Variants in MAPKBP1 observed in about 807,000 individuals in gnomAD.
The protein encoded by MAPKBP1 is mitogen-activated protein kinase-binding protein 1.
A neutral mutation model predicts 170.5 loss-of-function variants in MAPKBP1; 71 were observed. That is an observed-to-expected ratio of 0.42 (90% CI 0.34 to 0.51). MAPKBP1 has a LOEUF of 0.51. Among genes scored for constraint, MAPKBP1 ranks in the 20% least tolerant of loss-of-function variants. The pLI, the probability that MAPKBP1 is intolerant of heterozygous loss-of-function variation, is 0.06. For missense variants in MAPKBP1, 1,598 were observed against 1,933.0 expected (o/e 0.83, Z 3.25); for synonymous variants, 719 against 757.9 (o/e 0.95, Z 0.84).
At chr15:41,821,180 C>A (rs894863503) in intron 23 of MAPKBP1, 112 bp downstream of exon 23, 2 of 1,021,538 alleles carry the variant, frequency 2.0e-6, no homozygotes, top group African/African-American at 1.6e-5. Flanking sequence ...GCCCCTGTGG[C>A]ACATGGGTAA....
At chr15:41,795,238 A>C (rs1434605297) in intron 2 of MAPKBP1, among the ~76,000 whole-genome samples, 1 of 152,168 alleles carries the variant, frequency 6.6e-6, no homozygotes, top group Non-Finnish European at 1.5e-5. Flanking sequence ...TTATGGCAGT[A>C]AAGCTAGTCT....
chr15:41,790,902 C>G (rs1026635016), intron 2 of MAPKBP1, among the ~76,000 whole-genome samples: 4 of 152,220 alleles, frequency 2.6e-5, no homozygotes, highest in African/African-American at 9.6e-5. Flanking sequence ...GGTCCCTGCC[C>G]TACTGTCTAA....
At chr15:41,775,981 A>G (rs1198014418) in intron 2 of MAPKBP1, among the ~76,000 whole-genome samples, 7 of 152,216 alleles carry the variant, frequency 4.6e-5, no homozygotes, top group African/African-American at 1.7e-4. Context: ...ATGGCCCTTG[A>G]GCATTGCTTA....
At position 41,819,735 on chromosome 15, in the gene MAPKBP1, G is replaced by A. The variant is rs890497; in HGVS notation, c.2481+85G>A. 21,417 of 1,393,362 alleles carry A rather than the reference G, an allele frequency of 0.015. 2,633 individuals are homozygous for A. In the African/African-American group the frequency reaches 0.27, roughly 17 times the overall value. The allele number at this position is 1,393,362 out of a possible 1,614,324, so 86.3% of individuals were successfully genotyped here. On this transcript the variant is annotated intron_variant, in intron 22 of 30. Coordinates refer to ENST00000457542, the MANE Select transcript of MAPKBP1 (RefSeq NM_014994.3). ...AACAGGGCTCTCTGGGCCTGGTAGG[G>A]TACTGGGGCATGGGGTCTGCCCACA...
chr15:41,800,030 TTTG>T, intron 3 of MAPKBP1, 116 bp downstream of exon 3: 1 of 853,146 alleles, frequency 1.2e-6, no homozygotes, highest in Non-Finnish European at 1.9e-6. Context: ...AGGTTAATGT[TTTG>T]TTGTCATTTT....
Position 41,816,603 on chromosome 15 carries a change from C to A in MAPKBP1, c.1538C>A (p.Ala513Asp), listed in dbSNP as rs1031099279. Residue 513 changes from alanine (A) to aspartate (D), a missense_variant, in exon 13 of 31, where the codon GCC (alanine) becomes GAC (aspartate). This residue lies in a region of MAPKBP1 where 430 missense variants were observed against 617.2 expected (regional missense o/e 0.70). Transcript: ENST00000457542. ...QSLSEMLKVE[A>D]HDSEILCLEY... ...CTGAGTGAGATGCTGAAGGTGGAGG[C>A]CCATGACTCTGAGATTCTGTGCCTG... 6.2e-7 allele frequency: 1 copy of A among 1,614,066 alleles called. No individual in the cohort carries two copies. The highest frequency in any genetic ancestry group is 8.5e-7 in the Non-Finnish European group (1 of 1,180,036).
At position 41,824,584 on chromosome 15, in the gene MAPKBP1, C is replaced by T. The variant is rs763697757; in HGVS notation, c.4299+15C>T. On this transcript the variant is annotated intron_variant, in intron 30 of 30. Transcript: ENST00000457542. ...TCTACCACTCGGTGGGTGTTAGGTG[C>T]CCCCCGGCAGGAAGGCGGGCACGTC... 4.4e-6 allele frequency: 7 copies of T among 1,578,158 alleles called. No individual in the cohort carries two copies. The highest frequency in any genetic ancestry group is 4.0e-5 in the African/African-American group (3 of 74,416).
At chr15:41,819,439 G>GT in intron 21 of MAPKBP1, 60 bp downstream of exon 21, 1 of 1,600,392 alleles carries the variant, frequency 6.2e-7, no homozygotes, top group South Asian at 1.1e-5. Context: ...GCTAGATATG[G>GT]TTTTTCTGAG....
At chr15:41,781,399 G>GTT (rs71108134) in intron 2 of MAPKBP1, among the ~76,000 whole-genome samples, 1,405 of 140,252 alleles carry the variant, frequency 0.01, 12 homozygotes, top group African/African-American at 0.03. Flanking sequence ...GGGTTTTTTT[G>GTT]TTTTTTTTTT....
intron 2 of MAPKBP1, among the ~76,000 whole-genome samples, chr15:41,797,894 G>A (rs886201854): frequency 5.3e-5 from 8 of 151,944 alleles, no homozygotes; most frequent in Admixed American, 3.3e-4. Flanking sequence ...TTTGGTCTTC[G>A]GCCACCACAG....
At position 41,817,264 on chromosome 15, in the gene MAPKBP1, AT is replaced by A. The variant is rs1366959054; in HGVS notation, c.1712-121del. On this transcript the variant is annotated intron_variant, in intron 14 of 30. Transcript: ENST00000457542. The surrounding 1 kb of genome is among the most constrained non-coding windows in gnomAD (Gnocchi z 4.2). ...AGGAAAACCTGGGTTTCCAGGTTTAATTTAGTTGGTTTTCCCTGGCATGTAG... is the reference window on the plus strand; with the variant it reads ...AGGAAAACCTGGGTTTCCAGGTTTAATTAGTTGGTTTTCCCTGGCATGTAG... 26 of 1,257,820 alleles carry A rather than the reference AT, an allele frequency of 2.1e-5. No homozygotes were observed. The highest frequency in any genetic ancestry group is 2.8e-5 in the Non-Finnish European group (25 of 877,622). 77.9% of individuals were successfully genotyped at this position (1,257,820 alleles called of 1,614,324 possible).
intron 2 of MAPKBP1, among the ~76,000 whole-genome samples, chr15:41,785,985 G>A (rs554187221): frequency 2.0e-5 from 3 of 152,222 alleles, no homozygotes; most frequent in Non-Finnish European, 4.4e-5. Context: ...AAGTTATCCA[G>A]GTACCTATGA....
intron 3 of MAPKBP1, among the ~76,000 whole-genome samples, chr15:41,805,466 C>G (rs1465800014): frequency 6.6e-6 from 1 of 152,236 alleles, no homozygotes; most frequent in African/African-American, 2.4e-5. Context: ...GGCTCCTATG[C>G]CAGAATGGCC....
chr15:41,797,830 C>G (rs1298446403), intron 2 of MAPKBP1, among the ~76,000 whole-genome samples: 1 of 152,140 alleles, frequency 6.6e-6, no homozygotes, highest in Non-Finnish European at 1.5e-5. Context: ...CACAGATAAC[C>G]TTGGGGACCT....
intron 2 of MAPKBP1, among the ~76,000 whole-genome samples, chr15:41,795,875 C>T (rs921697096): frequency 3.3e-5 from 5 of 152,196 alleles, no homozygotes; most frequent in African/African-American, 1.2e-4. Flanking sequence ...TCCCAAAGTG[C>T]TGGGATTACA....
Position 41,821,652 on chromosome 15 carries a change from A to G in MAPKBP1, c.2787A>G (p.Ser929=). The stretch of plus-strand genomic sequence containing the variant: ...ATCCCCATATTATCCGATTATTGTC[A>G]CAAGAGGAAGGGGTCTTTGCCCAAG... ...CSYPHIIRLL[S]QEEGVFAQDL... Residue 929 remains serine (S), a synonymous_variant, in exon 24 of 31, where the codon TCA becomes TCG. Transcript: ENST00000457542. 1.2e-6 allele frequency: 2 copies of G among 1,614,092 alleles called. No homozygotes were observed. Among genetic ancestry groups the G allele is most frequent in the South Asian group, 2.2e-5 (2 of 91,078 alleles).
chr15:41,774,770 G>C (rs899853308), intron 1 of MAPKBP1, 160 bp downstream of exon 1: 32 of 400,282 alleles, frequency 8.0e-5, no homozygotes, highest in Non-Finnish European at 1.3e-4. Flanking sequence ...GTGGGCTACG[G>C]CGAGCCCCGC....
In MAPKBP1 at chr15:41,825,727, C is replaced by A; in HGVS notation, c.*291C>A. 1 of 347,558 alleles carries A rather than the reference C, an allele frequency of 2.9e-6. No homozygotes were observed. The highest frequency in any genetic ancestry group is 5.6e-5 in the South Asian group (1 of 17,760). The allele number at this position is 347,558 out of a possible 1,614,324, so 21.5% of individuals were successfully genotyped here. On this transcript the variant is annotated 3_prime_UTR_variant, in exon 31 of 31. Coordinates refer to ENST00000457542, the MANE Select transcript of MAPKBP1 (RefSeq NM_014994.3). ...TGTGAGAGGTAGGAGGGCAGCCTGC[C>A]CCATCTAGGAATCTGGGAAGGGCTG...
rs372009080 is a variant in MAPKBP1 at position 41,824,427 on chromosome 15, C to T, written c.4214-57C>T. ...TCTCCTGTTCTGAGTGTCTTGGGTG[C>T]GGAGGCCTGAAAGGGCTACATGCTG... is the stretch of plus-strand genomic sequence containing the variant. On this transcript the variant is annotated intron_variant, in intron 29 of 30. Coordinates refer to ENST00000457542, the MANE Select transcript of MAPKBP1 (RefSeq NM_014994.3). The T allele has an allele frequency of 3.7e-4, 543 of 1,469,780 alleles. 1 individual carries two copies. The highest frequency in any genetic ancestry group is 4.8e-4 in the Non-Finnish European group (514 of 1,079,574). The allele number at this position is 1,469,780 out of a possible 1,614,324, so 91.0% of individuals were successfully genotyped here. A position where few individuals can be genotyped will look rare whatever the true frequency, so the allele number is the denominator to read the frequency against.
Sources: gnomAD v4.1 joint callset for allele counts (sites outside exome capture counted in the v4.1 genomes callset) on GRCh38, gnomAD v4.1.1 for gene constraint, gnomAD v4.1.1 regional missense constraint, Gnocchi (gnomAD v3.1) non-coding constraint, MANE v1.5 for transcripts, NCBI Gene and HGNC (gene_info 2026-07-23, HGNC 2026-07-21) for gene names.